CORIN: variants seen among roughly 807,000 people sequenced by gnomAD.
CORIN encodes the protein atrial natriuretic peptide-converting enzyme.
A neutral mutation model predicts 125.3 loss-of-function variants in CORIN; 117 were observed. The observed-to-expected ratio is 0.93, with a 90% CI of 0.80 to 1.09. The LOEUF (loss-of-function observed/expected upper bound fraction) is 1.09. Ranked by LOEUF, CORIN falls within the 50% of genes least tolerant of loss-of-function variation. The probability of loss-of-function intolerance (pLI) is 0.00; values close to 1 mark genes in which losing one functional copy is unlikely to be tolerated. For synonymous variants in CORIN, 450 were observed against 466.4 expected (o/e 0.96, Z 0.45); for missense variants, 1,253 against 1,306.7 (o/e 0.96, Z 0.63).
intron 5 of CORIN, among the ~76,000 whole-genome samples, chr4:47,729,280 A>C (rs1421850544): frequency 6.6e-6 from 1 of 152,238 alleles, no homozygotes; most frequent in African/African-American, 2.4e-5. Flanking sequence ...TTGATCATGA[A>C]GTTTCTTCAT....
chr4:47,752,859 A>C (rs559652751), intron 4 of CORIN, among the ~76,000 whole-genome samples: 179 of 152,360 alleles, frequency 1.2e-3, no homozygotes, highest in African/African-American at 3.8e-3. Flanking sequence ...AGAGATTAAC[A>C]GATCACAAAA....
chr4:47,659,689 T>C (rs962873267), intron 12 of CORIN, among the ~76,000 whole-genome samples: 1 of 152,116 alleles, frequency 6.6e-6, no homozygotes, highest in Non-Finnish European at 1.5e-5. Flanking sequence ...GCCCCCATGA[T>C]CCAAACACCT....
At chr4:47,755,638 G>T (rs1439480853) in intron 4 of CORIN, among the ~76,000 whole-genome samples, 1 of 152,144 alleles carries the variant, frequency 6.6e-6, no homozygotes, top group Non-Finnish European at 1.5e-5. Context: ...ATGGAGAAGT[G>T]AGAGTTAATT....
intron 1 of CORIN, among the ~76,000 whole-genome samples, chr4:47,808,097 C>G (rs1243642078): frequency 6.6e-6 from 1 of 152,096 alleles, no homozygotes; most frequent in African/African-American, 2.4e-5. Context: ...TTAAGACGAA[C>G]CTTCTCTCTC....
chr4:47,741,773 G>A (rs893414722), intron 5 of CORIN, among the ~76,000 whole-genome samples: 3 of 151,898 alleles, frequency 2.0e-5, no homozygotes, highest in Non-Finnish European at 2.9e-5. Context: ...TATGAACCCT[G>A]AAAATATTTT....
chr4:47,833,977 G>C (rs1216825881), intron 1 of CORIN, among the ~76,000 whole-genome samples: 1 of 152,138 alleles, frequency 6.6e-6, no homozygotes, highest in Non-Finnish European at 1.5e-5. Flanking sequence ...ACCATTATGG[G>C]AAAGAGTATG....
At chr4:47,804,447 A>G (rs1158911131) in intron 2 of CORIN, among the ~76,000 whole-genome samples, 2 of 152,160 alleles carry the variant, frequency 1.3e-5, no homozygotes, top group Non-Finnish European at 2.9e-5. Context: ...CAATATTTGG[A>G]AGCAACCTAA....
At chr4:47,713,408 A>C (rs1047257300) in intron 5 of CORIN, among the ~76,000 whole-genome samples, 1 of 152,178 alleles carries the variant, frequency 6.6e-6, no homozygotes, top group African/African-American at 2.4e-5. Flanking sequence ...CATTCAAACA[A>C]CTGAAGCTTA....
At chr4:47,785,769 A>C (rs1279734928) in intron 3 of CORIN, among the ~76,000 whole-genome samples, 1 of 151,870 alleles carries the variant, frequency 6.6e-6, no homozygotes, top group Non-Finnish European at 1.5e-5. Context: ...AAAATTAGCC[A>C]GGCATGGTGG....
In CORIN at chr4:47,744,599, G is replaced by T; in HGVS notation, c.618-16C>A. 6.8e-7 allele frequency: 1 copy of T among 1,472,806 alleles called. No individual in the cohort carries two copies. 91.2% of individuals were successfully genotyped at this position (1,472,806 alleles called of 1,614,324 possible). A position where few individuals can be genotyped will look rare whatever the true frequency, so the allele number is the denominator to read the frequency against. On this transcript the variant is annotated splice_polypyrimidine_tract_variant and intron_variant, in intron 4 of 21. Coordinates refer to ENST00000273857, the MANE Select transcript of CORIN (RefSeq NM_006587.4). ...GAGTCCATGACTAAAAAAAAAAAAAGAGAAAGGTGAAAATTAGTGTCTTTA... is the reference window on the plus strand; with the variant it reads ...GAGTCCATGACTAAAAAAAAAAAAATAGAAAGGTGAAAATTAGTGTCTTTA...
intron 9 of CORIN, among the ~76,000 whole-genome samples, chr4:47,676,488 A>G (rs1262043113): frequency 6.6e-6 from 1 of 152,082 alleles, no homozygotes; most frequent in African/African-American, 2.4e-5. Context: ...AGCACCCTGA[A>G]TTTCCCTTCT....
intron 4 of CORIN, among the ~76,000 whole-genome samples, chr4:47,749,894 A>G (rs1041265467): frequency 6.6e-6 from 1 of 152,222 alleles, no homozygotes; most frequent in Non-Finnish European, 1.5e-5. Context: ...GAGAATGTTA[A>G]TGCTGGAAGG....
intron 1 of CORIN, among the ~76,000 whole-genome samples, chr4:47,809,595 A>G (rs1010837644): frequency 1.3e-5 from 2 of 151,758 alleles, no homozygotes; most frequent in African/African-American, 4.8e-5. Flanking sequence ...TTTAATAGAG[A>G]CAGAGTTTCA....
intron 17 of CORIN, among the ~76,000 whole-genome samples, chr4:47,625,239 T>A (rs1196118210): frequency 1.3e-5 from 2 of 152,146 alleles, no homozygotes; most frequent in Non-Finnish European, 2.9e-5. Context: ...GAACTTGGCA[T>A]TAAAGAAATA....
At chr4:47,637,222 G>T (rs11933764) in intron 16 of CORIN, among the ~76,000 whole-genome samples, 8,587 of 152,258 alleles carry the variant, frequency 0.056, 301 homozygotes, top group Non-Finnish European at 0.086. Context: ...GCATTCAAGA[G>T]GTGACTTGGG....
chr4:47,693,658 A>G (rs1180076442), intron 5 of CORIN, among the ~76,000 whole-genome samples: 1 of 152,244 alleles, frequency 6.6e-6, no homozygotes, highest in Non-Finnish European at 1.5e-5. Context: ...CTATTTTGGC[A>G]TAAGGAACGG....
chr4:47,671,959 G>A (rs955899155), intron 10 of CORIN, among the ~76,000 whole-genome samples: 21 of 152,350 alleles, frequency 1.4e-4, no homozygotes, highest in Admixed American at 2.6e-4. Context: ...ACTCAGAAGA[G>A]AGCAGGTGCA....
intron 4 of CORIN, among the ~76,000 whole-genome samples, chr4:47,758,503 A>G (rs2073175327): frequency 6.6e-6 from 1 of 152,192 alleles, no homozygotes; most frequent in Non-Finnish European, 1.5e-5. Flanking sequence ...GGAAACACAA[A>G]AGACAAAACA....
intron 5 of CORIN, among the ~76,000 whole-genome samples, chr4:47,715,155 A>G (rs1211720225): frequency 6.6e-6 from 1 of 152,246 alleles, no homozygotes; most frequent in Non-Finnish European, 1.5e-5. Context: ...AGAAAATACT[A>G]TGGAAAAGAT....
Sources: allele counts gnomAD v4.1 joint callset (sites outside exome capture counted in the v4.1 genomes callset), GRCh38; gene constraint gnomAD v4.1.1; transcripts MANE v1.5; gene names NCBI Gene and HGNC (gene_info 2026-07-23, HGNC 2026-07-21).